NSMCE2: variants seen among roughly 807,000 people sequenced by gnomAD.
NSMCE2 encodes E3 SUMO-protein ligase NSE2.
In NSMCE2, 24 loss-of-function variants were observed where a neutral mutation model predicts 23.8. The observed-to-expected ratio is 1.01, with a 90% CI of 0.73 to 1.42. The LOEUF (loss-of-function observed/expected upper bound fraction) is 1.42. Ranked by LOEUF, NSMCE2 falls within the 40% of genes most tolerant of loss-of-function variation. The pLI, the probability that NSMCE2 is intolerant of heterozygous loss-of-function variation, is 0.00. For missense variants in NSMCE2, 284 were observed against 296.5 expected (o/e 0.96, Z 0.31); for synonymous variants, 92 against 94.1 (o/e 0.98, Z 0.13).
Position 125,357,325 on chromosome 8 carries a change from G to A in NSMCE2, c.519+6G>A, listed in dbSNP as rs370584966. The A allele has an allele frequency of 1.1e-5, 17 of 1,553,700 alleles. No homozygotes were observed. The highest frequency in any genetic ancestry group is 5.0e-5 in the Admixed American group (3 of 59,792). On this transcript the variant is annotated splice_donor_region_variant and intron_variant, in intron 6 of 7. Transcript: ENST00000287437. ...TCACCTGCCCCATTACAAAGGTACCGCTTCCTCCTACTTCCCCTGAAAGAA... is the reference window on the plus strand; with the variant it reads ...TCACCTGCCCCATTACAAAGGTACCACTTCCTCCTACTTCCCCTGAAAGAA...
intron 4 of NSMCE2, among the ~76,000 whole-genome samples, chr8:125,152,794 A>T (rs1821106582): frequency 6.6e-6 from 1 of 152,112 alleles, no homozygotes; most frequent in African/African-American, 2.4e-5. Context: ...GCGGTAGCTC[A>T]CGCCTGTAAT....
At chr8:125,225,030 G>A (rs1333670292) in intron 5 of NSMCE2, among the ~76,000 whole-genome samples, 1 of 152,158 alleles carries the variant, frequency 6.6e-6, no homozygotes, top group African/African-American at 2.4e-5. Context: ...GAGTACTTTT[G>A]CTAAAGTCTG....
chr8:125,324,534 AAAG>A (rs1390615187), intron 5 of NSMCE2, among the ~76,000 whole-genome samples: 3 of 151,264 alleles, frequency 2.0e-5, no homozygotes, highest in Non-Finnish European at 4.4e-5. Context: ...AAAAAAAAAA[AAAG>A]AGCATATCCT....
At chr8:125,168,966 G>A (rs2130757864) in intron 4 of NSMCE2, among the ~76,000 whole-genome samples, 1 of 152,264 alleles carries the variant, frequency 6.6e-6, no homozygotes, top group South Asian at 2.1e-4. Flanking sequence ...GCATTTTTGT[G>A]TAGATGAGGA....
intron 5 of NSMCE2, among the ~76,000 whole-genome samples, chr8:125,233,612 A>C (rs1338946515): frequency 1.3e-5 from 2 of 152,210 alleles, no homozygotes; most frequent in Non-Finnish European, 2.9e-5. Context: ...AAATGAATGT[A>C]AATGCACTTT....
intron 5 of NSMCE2, among the ~76,000 whole-genome samples, chr8:125,294,405 T>G (rs1828242410): frequency 6.6e-6 from 1 of 152,228 alleles, no homozygotes. Flanking sequence ...CTGCGCCATT[T>G]TACATTCCCA....
Position 125,223,890 on chromosome 8 carries a change from A to G in NSMCE2, c.418+41634A>G, listed in dbSNP as rs928124415. 5.9e-4 allele frequency among the ~76,000 whole-genome samples: 83 copies of G among 140,932 alleles called. 1 individual carries two copies. In the Admixed American group the frequency reaches 6.3e-3, roughly 11 times the overall value. The allele number at this position is 140,932 out of a possible 152,430, so 92.5% of individuals were successfully genotyped here. ...ATAGTGGCGCAATCATAGCTCCACT[A>G]TGCAGCCTTGATGCAGAAATCATGC... On this transcript the variant is annotated intron_variant, in intron 5 of 7. Coordinates refer to ENST00000287437, the MANE Select transcript of NSMCE2 (RefSeq NM_173685.4).
rs1217965172 is a variant in NSMCE2, at chr8:125,366,903, C to G, written c.*18C>G. On this transcript the variant is annotated 3_prime_UTR_variant, in exon 8 of 8. Transcript: ENST00000287437. ...CCGAGTAGGAAAAGCCACCTGCCTG[C>G]AGGGACACCAGCAGCCTACCTCCTA... The G allele has an allele frequency of 5.8e-6, 8 of 1,384,138 alleles. No individual in the cohort carries two copies. In the Admixed American group the frequency reaches 1.3e-4, roughly 23 times the overall value. The allele number at this position is 1,384,138 out of a possible 1,614,324, so 85.7% of individuals were successfully genotyped here. A position where few individuals can be genotyped will look rare whatever the true frequency, so the allele number is the denominator to read the frequency against.
intron 5 of NSMCE2, among the ~76,000 whole-genome samples, chr8:125,238,907 C>G (rs1033492123): frequency 6.6e-6 from 1 of 152,114 alleles, no homozygotes; most frequent in African/African-American, 2.4e-5. Flanking sequence ...CATGAGGCTC[C>G]TATTCCTGTA....
intron 5 of NSMCE2, among the ~76,000 whole-genome samples, chr8:125,288,610 T>G (rs1202223962): frequency 2.0e-5 from 3 of 152,124 alleles, no homozygotes; most frequent in Non-Finnish European, 4.4e-5. Flanking sequence ...GAAACTCTTC[T>G]CTCACTTTGG....
At chr8:125,130,323 A>G in intron 3 of NSMCE2, 1 of 452,906 alleles carries the variant, frequency 2.2e-6, no homozygotes, top group Non-Finnish European at 4.4e-6. Context: ...ACCTGGCCCT[A>G]GTAGTGTTTG....
At chr8:125,095,910 A>C (rs1817907155) in intron 1 of NSMCE2, among the ~76,000 whole-genome samples, 2 of 151,902 alleles carry the variant, frequency 1.3e-5, no homozygotes, top group South Asian at 4.1e-4. Context: ...AAGAAAAGAA[A>C]ATTGAATACT....
At chr8:125,364,296 T>A (rs934149613) in intron 7 of NSMCE2, among the ~76,000 whole-genome samples, 2 of 152,220 alleles carry the variant, frequency 1.3e-5, no homozygotes, top group African/African-American at 4.8e-5. Flanking sequence ...TATATTTCAT[T>A]GATTAATACC....
intron 3 of NSMCE2, among the ~76,000 whole-genome samples, chr8:125,104,651 C>T (rs958884038): frequency 6.6e-6 from 1 of 152,186 alleles, no homozygotes; most frequent in Admixed American, 6.5e-5. Context: ...TCCTAGAGCT[C>T]TTTATCTGCA....
At chr8:125,332,912 T>C (rs1314106921) in intron 5 of NSMCE2, among the ~76,000 whole-genome samples, 1 of 152,230 alleles carries the variant, frequency 6.6e-6, no homozygotes, top group East Asian at 1.9e-4. Flanking sequence ...TGCAATGTGC[T>C]TGGAAATCAT....
intron 5 of NSMCE2, among the ~76,000 whole-genome samples, chr8:125,272,257 G>GC (rs1449591170): frequency 6.6e-6 from 1 of 151,408 alleles, no homozygotes; most frequent in Non-Finnish European, 1.5e-5. Flanking sequence ...CTCATGATCC[G>GC]CCCGCCTCAG....
chr8:125,149,520 G>A (rs1488638188), intron 3 of NSMCE2, among the ~76,000 whole-genome samples: 1 of 152,090 alleles, frequency 6.6e-6, no homozygotes, highest in African/African-American at 2.4e-5. Context: ...TTTTCATTTA[G>A]TTATCTTAAA....
At chr8:125,242,576 T>C (rs1359782026) in intron 5 of NSMCE2, among the ~76,000 whole-genome samples, 1 of 151,774 alleles carries the variant, frequency 6.6e-6, no homozygotes, top group Non-Finnish European at 1.5e-5. Flanking sequence ...GTTCATCCCA[T>C]GCTAAGGAGG....
chr8:125,106,335 A>G (rs1416403364), intron 3 of NSMCE2, among the ~76,000 whole-genome samples: 1 of 152,138 alleles, frequency 6.6e-6, no homozygotes, highest in Admixed American at 6.5e-5. Flanking sequence ...TACGCTCTCA[A>G]ATTTATAATG....
Sources: gnomAD v4.1 joint callset for allele counts (sites outside exome capture counted in the v4.1 genomes callset) on GRCh38, gnomAD v4.1.1 for gene constraint, MANE v1.5 for transcripts, NCBI Gene and HGNC (gene_info 2026-07-23, HGNC 2026-07-21) for gene names.